The following WDR64 variants were observed in gnomAD, a reference collection of about 807,000 sequenced individuals.
WDR64 encodes WD repeat domain 64.
In WDR64, 112 loss-of-function variants were observed where a neutral mutation model predicts 139.3. The ratio of observed to expected loss-of-function variants is 0.80; its 90% CI spans 0.69 to 0.94. The LOEUF is 0.94. Ranked by LOEUF, WDR64 falls within the 40% of genes least tolerant of loss-of-function variation. The pLI, the probability that WDR64 is intolerant of heterozygous loss-of-function variation, is 0.00. For missense variants in WDR64, 1,206 were observed against 1,293.1 expected (o/e 0.93, Z 1.03); for synonymous variants, 444 against 437.7 (o/e 1.01, Z -0.18).
In WDR64 at chr1:241,670,361, C is replaced by T. The variant is rs1666179207; in HGVS notation, c.277-713C>T. ...CAACAGGGATAAAGAAAAAAAAAAT[C>T]TAGCCCTGAAAAATTCATGGAAAAT... On this transcript the variant is annotated intron_variant, in intron 2 of 27. Transcript: ENST00000437684. Among the ~76,000 whole-genome samples, 5 of 152,066 alleles carry T rather than the reference C, an allele frequency of 3.3e-5. No individual in the cohort carries two copies. In the South Asian group the frequency reaches 1.0e-3, roughly 32 times the overall value.
chr1:241,788,119 C>A, intron 24 of WDR64, 85 bp downstream of exon 24: 2 of 1,255,222 alleles, frequency 1.6e-6, no homozygotes, highest in South Asian at 1.7e-5. Context: ...ATGGAGAATT[C>A]AAGGCAAGAG....
chr1:241,746,329 T>C (rs540814513), intron 13 of WDR64, among the ~76,000 whole-genome samples: 3 of 152,226 alleles, frequency 2.0e-5, no homozygotes, highest in South Asian at 4.2e-4. Context: ...GTGACCACTA[T>C]AAAAGCTCAT....
chr1:241,792,924 G>A (rs1392588058), intron 25 of WDR64, among the ~76,000 whole-genome samples: 2 of 152,204 alleles, frequency 1.3e-5, no homozygotes, highest in Non-Finnish European at 2.9e-5. Flanking sequence ...AGACAGGTAC[G>A]AGAATGCTCA....
intron 8 of WDR64, among the ~76,000 whole-genome samples, chr1:241,699,045 T>G (rs902929143): frequency 2.0e-5 from 3 of 152,256 alleles, no homozygotes; most frequent in South Asian, 4.1e-4. Context: ...TGAGAACTCA[T>G]GCACTATCCC....
chr1:241,682,477 T>C (rs1004818203), intron 6 of WDR64, among the ~76,000 whole-genome samples: 3 of 151,952 alleles, frequency 2.0e-5, no homozygotes, highest in African/African-American at 7.2e-5. Flanking sequence ...TTCTGTTCCA[T>C]TGGTCTATGT....
At chr1:241,761,427 ATGAG>A (rs1376556709) in intron 15 of WDR64, among the ~76,000 whole-genome samples, 5 of 152,104 alleles carry the variant, frequency 3.3e-5, no homozygotes, top group Admixed American at 2.0e-4. Flanking sequence ...TTATCTTATA[ATGAG>A]TGAGTGGAGC....
chr1:241,791,796 C>T (rs944485196), intron 25 of WDR64, among the ~76,000 whole-genome samples: 9 of 152,148 alleles, frequency 5.9e-5, no homozygotes, highest in Admixed American at 1.3e-4. Context: ...AAGTCTCTTT[C>T]GCCAAGTAAA....
intron 9 of WDR64, among the ~76,000 whole-genome samples, chr1:241,715,645 A>G (rs1177176933): frequency 1.3e-5 from 2 of 152,206 alleles, no homozygotes; most frequent in African/African-American, 4.8e-5. Flanking sequence ...GTACGTAAAT[A>G]TATGGCTAAT....
At position 241,772,821 on chromosome 1, in the gene WDR64, C is replaced by A. The variant is rs373766504; in HGVS notation, c.2320C>A (p.Gln774Lys). The change falls in exon 20 of 28, where the codon CAA (glutamine) becomes AAA (lysine). Residue 774 changes from glutamine to lysine, a missense_variant. By Grantham distance (53) the Gln-to-Lys change is moderately conservative. Transcript: ENST00000437684. ...ACAAACAGATGTAATGGTGGGAAAG[C>A]AACAGCCAATGGACAAAAAACACCC... ...GEQTDVMVGKQQPMDKKHPGI... is the reference protein window; with the variant it reads ...GEQTDVMVGKKQPMDKKHPGI... The A allele has an allele frequency of 5.8e-6, 9 of 1,551,654 alleles. No homozygotes were observed. The highest frequency in any genetic ancestry group is 7.8e-6 in the Non-Finnish European group (9 of 1,147,022).
chr1:241,706,533 T>C (rs1270884802), intron 8 of WDR64, among the ~76,000 whole-genome samples: 1 of 152,232 alleles, frequency 6.6e-6, no homozygotes, highest in East Asian at 1.9e-4. Context: ...CATTTAAGCA[T>C]TTTCAAAAGC....
intron 7 of WDR64, 92 bp from the exon 8 acceptor site, chr1:241,687,369 T>C (rs948596879): frequency 6.8e-7 from 1 of 1,475,110 alleles, no homozygotes; most frequent in African/African-American, 1.4e-5. Context: ...TTTAGTACAA[T>C]TCAGTTACAG....
intron 10 of WDR64, among the ~76,000 whole-genome samples, chr1:241,729,746 T>C (rs1010839227): frequency 2.6e-5 from 4 of 152,370 alleles, no homozygotes; most frequent in African/African-American, 9.6e-5. Flanking sequence ...AACTAACCTT[T>C]TAAAATGTTA....
At chr1:241,680,403 G>A (rs901440826) in intron 6 of WDR64, among the ~76,000 whole-genome samples, 8 of 152,134 alleles carry the variant, frequency 5.3e-5, no homozygotes, top group African/African-American at 7.2e-5. Flanking sequence ...GTTGGTCAAC[G>A]TACTTTATTA....
intron 25 of WDR64, among the ~76,000 whole-genome samples, chr1:241,792,169 C>T (rs752777154): frequency 5.9e-5 from 9 of 152,146 alleles, no homozygotes; most frequent in Non-Finnish European, 8.8e-5. Context: ...TTTAGTTCCC[C>T]GGGATGTCCT....
chr1:241,736,879 C>T (rs1669348481), intron 10 of WDR64, among the ~76,000 whole-genome samples: 2 of 152,086 alleles, frequency 1.3e-5, no homozygotes, highest in South Asian at 4.2e-4. Flanking sequence ...GAATTGAAAC[C>T]CTAATCCTCC....
Position 241,802,488 on chromosome 1 carries a change from C to A in WDR64, c.*1273C>A, listed in dbSNP as rs1234907494. 6.6e-6 allele frequency among the ~76,000 whole-genome samples: 1 copy of A among 152,148 alleles called. No individual in the cohort carries two copies. The highest frequency in any genetic ancestry group is 1.5e-5 in the Non-Finnish European group (1 of 68,008). On this transcript the variant is annotated 3_prime_UTR_variant, in exon 28 of 28. Coordinates refer to ENST00000437684, the MANE Select transcript of WDR64 (RefSeq NM_001367482.1). ...TTATCTTAATAAAGTTTGGGTTATA[C>A]AGCTAGGTGTGCATTTCAAAATTTA...
At chr1:241,789,655 C>T (rs1390574282) in intron 24 of WDR64, among the ~76,000 whole-genome samples, 1 of 152,142 alleles carries the variant, frequency 6.6e-6, no homozygotes, top group African/African-American at 2.4e-5. Flanking sequence ...CATGTTCTCA[C>T]TTATAAGTGG....
intron 11 of WDR64, among the ~76,000 whole-genome samples, chr1:241,740,466 T>C (rs111520400): frequency 2.4e-4 from 36 of 152,308 alleles, no homozygotes; most frequent in African/African-American, 7.9e-4. Flanking sequence ...ACAGGTTTTA[T>C]CTTAAAATTT....
Position 241,656,333 on chromosome 1 carries a change from T to C in WDR64, c.145+3704T>C, listed in dbSNP as rs1390480796. 1.3e-5 allele frequency among the ~76,000 whole-genome samples: 2 copies of C among 152,214 alleles called. No individual in the cohort carries two copies. Among genetic ancestry groups the C allele is most frequent in the Non-Finnish European group, 2.9e-5 (2 of 68,028 alleles). On this transcript the variant is annotated intron_variant, in intron 1 of 27. Transcript: ENST00000437684. This position sits in a 1 kb window ranked among gnomAD's most constrained non-coding sequence, Gnocchi z 4.3. The stretch of plus-strand genomic sequence containing the variant: ...AACAGGGTCTGCCTCAGAAATGATA[T>C]CAAGTAGATTGAAGGAATTTGTTCA...
Sources: gnomAD v4.1 joint callset for allele counts (sites outside exome capture counted in the v4.1 genomes callset) on GRCh38, gnomAD v4.1.1 for gene constraint, Gnocchi (gnomAD v3.1) non-coding constraint, MANE v1.5 for transcripts, NCBI Gene and HGNC (gene_info 2026-07-23, HGNC 2026-07-21) for gene names.